Variants in IGSF3 observed in about 807,000 individuals in gnomAD.
The protein encoded by IGSF3 is immunoglobulin superfamily member 3, also known as glu-Trp-Ile EWI motif-containing protein 3.
A neutral mutation model predicts 114.4 loss-of-function variants in IGSF3; 23 were observed. The ratio of observed to expected loss-of-function variants is 0.20; its 90% confidence interval spans 0.14 to 0.28. IGSF3 has a LOEUF of 0.28. Ranked by LOEUF, IGSF3 falls within the 10% of genes least tolerant of loss-of-function variation. The pLI is 1.00. For missense variants in IGSF3, 1,172 were observed against 1,591.5 expected (o/e 0.74, Z 4.48); for synonymous variants, 571 against 645.2 (o/e 0.88, Z 1.74).
intron 2 of IGSF3, among the ~76,000 whole-genome samples, chr1:116,643,366 C>T (rs1268244566): frequency 1.3e-5 from 2 of 152,244 alleles, no homozygotes; most frequent in Non-Finnish European, 2.9e-5. Flanking sequence ...TCCATTCATG[C>T]CGCAGGTCAA....
chr1:116,604,614 T>C (rs1399334615), intron 5 of IGSF3, among the ~76,000 whole-genome samples: 1 of 152,204 alleles, frequency 6.6e-6, no homozygotes, highest in African/African-American at 2.4e-5. Context: ...TTGCAGAGTG[T>C]GTGAGGAGCG....
intron 7 of IGSF3, among the ~76,000 whole-genome samples, chr1:116,597,592 A>G (rs533778242): frequency 3.3e-5 from 5 of 152,272 alleles, no homozygotes; most frequent in African/African-American, 1.2e-4. Flanking sequence ...AAGTACAGTG[A>G]TACTCATAAG....
At chr1:116,626,955 TC>T (rs1178206811) in intron 2 of IGSF3, among the ~76,000 whole-genome samples, 1 of 152,166 alleles carries the variant, frequency 6.6e-6, no homozygotes, top group East Asian at 1.9e-4. Flanking sequence ...CAAGGCAGCA[TC>T]TAATAGAAAT....
At chr1:116,591,829 G>A (rs1660124680) in intron 7 of IGSF3, among the ~76,000 whole-genome samples, 2 of 152,176 alleles carry the variant, frequency 1.3e-5, no homozygotes, top group Non-Finnish European at 2.9e-5. Context: ...CACAGAGCTA[G>A]GAGAGCCCTG....
Position 116,625,187 on chromosome 1 carries a change from G to C in IGSF3, c.44-8730C>G, listed in dbSNP as rs1661535555. Among the ~76,000 whole-genome samples, 1 of 152,226 alleles carries C rather than the reference G, an allele frequency of 6.6e-6. No individual in the cohort carries two copies. The highest frequency in any genetic ancestry group is 2.4e-5 in the African/African-American group (1 of 41,450). On this transcript the variant is annotated intron_variant, in intron 2 of 10. Coordinates refer to ENST00000369486, the MANE Select transcript of IGSF3 (RefSeq NM_001007237.3). This position sits in a 1 kb window ranked among gnomAD's most constrained non-coding sequence, Gnocchi z 4.7. ...ACTAGGACAGAAACTGTGAGGGAGA[G>C]ATTGATAAGACATAGTTGACAAGTT...
rs1173091786 is a variant in IGSF3 at position 116,662,924 on chromosome 1, C to A, written c.43+3360G>T. 6.6e-6 allele frequency among the ~76,000 whole-genome samples: 1 copy of A among 152,176 alleles called. No individual in the cohort carries two copies. The highest frequency in any genetic ancestry group is 6.5e-5 in the Admixed American group (1 of 15,272). On this transcript the variant is annotated intron_variant, in intron 2 of 10. Coordinates refer to ENST00000369486, the MANE Select transcript of IGSF3 (RefSeq NM_001007237.3). This position sits in a 1 kb window ranked among gnomAD's most constrained non-coding sequence, Gnocchi z 4.3. ...AGTTTCTTTCAATCCCTTTCAGAAG[C>A]CTTTTCTAACTAACTGGGAAGTAAG...
chr1:116,611,771 C>T (rs992564518), intron 4 of IGSF3, among the ~76,000 whole-genome samples: 21 of 152,108 alleles, frequency 1.4e-4, no homozygotes, highest in African/African-American at 4.8e-4. Context: ...CTTCCTATTT[C>T]CGGTATTCCC....
At chr1:116,637,793 T>C (rs891013513) in intron 2 of IGSF3, among the ~76,000 whole-genome samples, 12 of 152,254 alleles carry the variant, frequency 7.9e-5, no homozygotes, top group Non-Finnish European at 1.3e-4. Context: ...ACACACTTGC[T>C]GTTCCTTCTT....
Position 116,584,798 on chromosome 1 carries a change from C to G in IGSF3, c.2695G>C (p.Gly899Arg). 2 of 1,614,208 alleles carry G rather than the reference C, an allele frequency of 1.2e-6. No individual in the cohort carries two copies. Among genetic ancestry groups the G allele is most frequent in the Non-Finnish European group, 1.7e-6 (2 of 1,180,042 alleles). The change falls in exon 9 of 11, where the codon GGC becomes CGC. Residue 899 changes from glycine (G) to arginine (R), a missense_variant. Around this residue, in one of 3 missense-constraint regions of IGSF3, gnomAD observed 423 missense variants for 509.8 expected, o/e 0.83. Coordinates refer to ENST00000369486, the MANE Select transcript of IGSF3 (RefSeq NM_001007237.3). This position sits in a 1 kb window ranked among gnomAD's most constrained non-coding sequence, Gnocchi z 5.8. Reference sequence around the variant, plus strand: ...TTCTGGATGAAGAGACGGTACACGCCGGGGGAAGGACTCTCCAAATGCAGC... The same window carrying G: ...TTCTGGATGAAGAGACGGTACACGCGGGGGGAAGGACTCTCCAAATGCAGC... The part of the protein sequence containing the change: ...GRLHLESPSP[G>R]VYRLFIQNVA...
At chr1:116,622,151 T>C (rs547235025) in intron 2 of IGSF3, among the ~76,000 whole-genome samples, 14 of 152,336 alleles carry the variant, frequency 9.2e-5, no homozygotes, top group African/African-American at 2.9e-4. Context: ...TTTCCAGTTA[T>C]GGCCTCTACA....
At chr1:116,666,977 A>G (rs1172353851) in intron 1 of IGSF3, 21 bp from the exon 2 acceptor site, 1 of 399,918 alleles carries the variant, frequency 2.5e-6, no homozygotes, top group Admixed American at 4.3e-5. Context: ...CACAACAGAG[A>G]TTTTTATCAA....
At chr1:116,617,242 G>A (rs1259739057) in intron 2 of IGSF3, 1 of 951,204 alleles carries the variant, frequency 1.1e-6, no homozygotes, top group Non-Finnish European at 1.3e-6. Context: ...CTGCCTTCTG[G>A]CTCAGATACT....
At chr1:116,639,917 C>T (rs767063804) in intron 2 of IGSF3, among the ~76,000 whole-genome samples, 21 of 151,806 alleles carry the variant, frequency 1.4e-4, no homozygotes, top group Non-Finnish European at 2.9e-4. Flanking sequence ...ACCTGTAACC[C>T]CAGCTACTCA....
intron 7 of IGSF3, among the ~76,000 whole-genome samples, chr1:116,591,819 C>T (rs1237332961): frequency 6.6e-6 from 1 of 152,204 alleles, no homozygotes; most frequent in African/African-American, 2.4e-5. Flanking sequence ...CACCTTCCTC[C>T]ACAGAGCTAG....
In IGSF3 at chr1:116,589,063, G is replaced by C. The variant is rs770927122; in HGVS notation, c.2071C>G (p.Leu691Val). ...QVSKSKRTLT[L>V]VENKPIQLNC... ...AACTGAATGGGCTTGTTTTCCACCA[G>C]GGTGAGGGTCCTCTTCGATTTGCTC... Residue 691 changes from leucine to valine, a missense_variant, in exon 8 of 11, where the codon CTG (leucine) becomes GTG (valine). By Grantham distance (32) the Leu-to-Val change is conservative (BLOSUM62 1). This residue lies in a region of IGSF3 where 736 missense variants were observed against 1,042.0 expected (regional missense o/e 0.71). Transcript: ENST00000369486. The surrounding 1 kb of genome is among the most constrained non-coding windows in gnomAD (Gnocchi z 5.7). 1.2e-6 allele frequency: 2 copies of C among 1,614,024 alleles called. No homozygotes were observed. The highest frequency in any genetic ancestry group is 1.7e-6 in the Non-Finnish European group (2 of 1,180,014).
intron 2 of IGSF3, among the ~76,000 whole-genome samples, chr1:116,626,694 C>T (rs530686918): frequency 3.1e-4 from 47 of 152,102 alleles, no homozygotes; most frequent in Non-Finnish European, 5.6e-4. Flanking sequence ...CCCCACTTCC[C>T]GCCCTTCTAT....
rs1660241167 is a variant in IGSF3 at position 116,594,114 on chromosome 1, G to C, written c.2030-5010C>G. 2.0e-5 allele frequency among the ~76,000 whole-genome samples: 3 copies of C among 152,166 alleles called. No individual in the cohort carries two copies. In the South Asian group the frequency reaches 6.2e-4, roughly 32 times the overall value. On this transcript the variant is annotated intron_variant, in intron 7 of 10. Transcript: ENST00000369486. This position sits in a 1 kb window ranked among gnomAD's most constrained non-coding sequence, Gnocchi z 5.2. ...CAGAATTGTAGCAAGAGTTACTCAG[G>C]ACTTCAGAAACCCTGTCAGGATGGC...
At position 116,614,044 on chromosome 1, in the gene IGSF3, G is replaced by A. The variant is rs144111921; in HGVS notation, c.553C>T (p.Arg185Trp). 3.3e-5 allele frequency: 54 copies of A among 1,614,144 alleles called. No individual in the cohort carries two copies. The highest frequency in any genetic ancestry group is 2.0e-4 in the East Asian group (9 of 44,882). The change falls in exon 4 of 11, where the codon CGG (arginine) becomes TGG (tryptophan). Residue 185 changes from arginine to tryptophan, a missense_variant. Coordinates refer to ENST00000369486, the MANE Select transcript of IGSF3 (RefSeq NM_001007237.3). The surrounding 1 kb of genome is among the most constrained non-coding windows in gnomAD (Gnocchi z 4.5). Reference protein sequence around the residue: ...QHSHLSVAWLRQKVGEKPVEV... With the variant: ...QHSHLSVAWLWQKVGEKPVEV... ...ACGGGCTTCTCGCCAACTTTCTGCC[G>A]GAGCCAGGCCACAGACAGGTGGCTG...
rs142472763 is a variant in IGSF3, at chr1:116,648,567, G to C, written c.43+17717C>G. Among the ~76,000 whole-genome samples the C allele has an allele frequency of 5.7e-3, 869 of 152,314 alleles. 13 individuals carry two copies. The highest frequency in any genetic ancestry group is 0.02 in the African/African-American group (840 of 41,570). ...CCCTTTGCCCTTAGGAAAACACCAT[G>C]ATTCAGCCAGGCAAGATTGATGCAA... On this transcript the variant is annotated intron_variant, in intron 2 of 10. Transcript: ENST00000369486. This position sits in a 1 kb window ranked among gnomAD's most constrained non-coding sequence, Gnocchi z 4.7.
Sources: allele counts gnomAD v4.1 joint callset (sites outside exome capture counted in the v4.1 genomes callset), GRCh38; gene constraint gnomAD v4.1.1; regional missense constraint gnomAD v4.1.1; non-coding constraint Gnocchi (gnomAD v3.1); transcripts MANE v1.5; gene names NCBI Gene and HGNC (gene_info 2026-07-23, HGNC 2026-07-21).